Variants in TESC observed in about 807,000 individuals in gnomAD.
TESC encodes calcineurin B homologous protein 3.
Under a neutral mutation model 31.0 loss-of-function variants are expected in TESC, and 19 were observed. The ratio of observed to expected loss-of-function variants is 0.61; its 90% confidence interval spans 0.43 to 0.90. The LOEUF (loss-of-function observed/expected upper bound fraction) is 0.90, where lower values mean the gene tolerates loss of function less well. Among genes scored for constraint, TESC ranks in the 40% least tolerant of loss-of-function variants. The probability of loss-of-function intolerance (pLI) is 0.00; values close to 1 mark genes in which losing one functional copy is unlikely to be tolerated. For missense variants in TESC, 248 were observed against 303.8 expected, an observed-to-expected ratio of 0.82 and a Z score of 1.36; for synonymous variants, 109 against 114.8, an observed-to-expected ratio of 0.95 and a Z score of 0.32.
chr12:117,041,073 A>G (rs1954477059), intron 7 of TESC, among the ~76,000 whole-genome samples: 1 of 152,138 alleles, frequency 6.6e-6, no homozygotes, highest in African/African-American at 2.4e-5. Context: ...TCCCTGCCAC[A>G]GGGCATCTGA....
intron 1 of TESC, 34 bp from the exon 2 acceptor site, chr12:117,075,374 A>AG: frequency 3.1e-6 from 5 of 1,599,608 alleles, no homozygotes; most frequent in Non-Finnish European, 4.2e-6. Context: ...AAAACAAGAC[A>AG]GAAAAAAAAA....
intron 3 of TESC, among the ~76,000 whole-genome samples, chr12:117,051,702 A>AC (rs1442096873): frequency 6.6e-6 from 1 of 151,846 alleles, no homozygotes; most frequent in Admixed American, 6.6e-5. Context: ...AATGTGATAG[A>AC]CCCCTGGGGA....
chr12:117,088,789 C>T (rs1458151924), intron 1 of TESC, among the ~76,000 whole-genome samples: 1 of 152,042 alleles, frequency 6.6e-6, no homozygotes, highest in Non-Finnish European at 1.5e-5. Flanking sequence ...ATTACAAACA[C>T]TGGATAAAAC....
At chr12:117,057,747 G>T (rs1954745374) in intron 2 of TESC, among the ~76,000 whole-genome samples, 2 of 152,136 alleles carry the variant, frequency 1.3e-5, no homozygotes, top group East Asian at 3.9e-4. Context: ...ATAAAATGTG[G>T]CCCATGCAAT....
At chr12:117,081,291 T>C (rs1166864041) in intron 1 of TESC, among the ~76,000 whole-genome samples, 2 of 152,208 alleles carry the variant, frequency 1.3e-5, no homozygotes, top group Non-Finnish European at 2.9e-5. Context: ...CTTTTGATAT[T>C]GATCATATGG....
chr12:117,085,681 A>G (rs576795131), intron 1 of TESC, among the ~76,000 whole-genome samples: 1 of 152,238 alleles, frequency 6.6e-6, no homozygotes, highest in Admixed American at 6.5e-5. Context: ...GAAATCCCGG[A>G]ATACAGAGGT....
At chr12:117,046,909 C>A in intron 4 of TESC, 71 bp from the exon 5 acceptor site, 1 of 1,480,388 alleles carries the variant, frequency 6.8e-7, no homozygotes, top group Non-Finnish European at 9.1e-7. Context: ...GAAATGTACA[C>A]TAAACTAAGC....
chr12:117,055,838 C>T (rs1211715328), intron 3 of TESC, among the ~76,000 whole-genome samples: 1 of 152,036 alleles, frequency 6.6e-6, no homozygotes, highest in East Asian at 1.9e-4. Flanking sequence ...AGACCCCCAG[C>T]TAATTTGCAC....
In TESC at chr12:117,054,525, T is replaced by A. The variant is rs1340739774; in HGVS notation, c.209+2281A>T. On this transcript the variant is annotated intron_variant, in intron 3 of 7. Transcript: ENST00000335209. The stretch of plus-strand genomic sequence containing the variant: ...ACACAGTTCCCATCGCCTGGAACCT[T>A]CTCTCCCTGCTTTTCTGGTTTAACT... Among the ~76,000 whole-genome samples the A allele has an allele frequency of 3.9e-5, 6 of 152,026 alleles. 1 individual carries two copies. Among genetic ancestry groups the A allele is most frequent in the Admixed American group, 1.3e-4 (2 of 15,258 alleles).
chr12:117,060,300 G>A (rs774043628), intron 2 of TESC, among the ~76,000 whole-genome samples: 1 of 152,210 alleles, frequency 6.6e-6, no homozygotes, highest in Non-Finnish European at 1.5e-5. Flanking sequence ...CCGCCCCAGA[G>A]TTGGGGGTGA....
intron 1 of TESC, among the ~76,000 whole-genome samples, chr12:117,075,887 A>ATATATATATATATATATATGTGTG: frequency 1.6e-5 from 1 of 62,426 alleles, no homozygotes; most frequent in South Asian, 4.5e-4. Flanking sequence ...ATATATATAT[A>ATATATATATATATATATATGTGTG]TATATATATA....
At chr12:117,049,806 C>A (rs61937037) in intron 3 of TESC, among the ~76,000 whole-genome samples, 1 of 148,086 alleles carries the variant, frequency 6.8e-6, no homozygotes, top group Non-Finnish European at 1.5e-5. Flanking sequence ...GAGGCTGAGG[C>A]GAGAGAATCG....
intron 2 of TESC, among the ~76,000 whole-genome samples, chr12:117,063,535 G>A (rs1183072991): frequency 6.6e-6 from 1 of 152,068 alleles, no homozygotes; most frequent in African/African-American, 2.4e-5. Context: ...TTCTCTCTAG[G>A]GGTACTGAGC....
intron 1 of TESC, among the ~76,000 whole-genome samples, chr12:117,094,224 A>C (rs12427193): frequency 0.12 from 19,007 of 152,150 alleles, 1,275 homozygotes; most frequent in African/African-American, 0.13. Flanking sequence ...GGTTTAAATC[A>C]ATCAATGAGA....
chr12:117,075,728 C>T (rs1320667582), intron 1 of TESC, among the ~76,000 whole-genome samples: 1 of 150,498 alleles, frequency 6.6e-6, no homozygotes, highest in Admixed American at 6.7e-5. Context: ...ACGACCTCGG[C>T]ATCTCAGCTC....
intron 3 of TESC, among the ~76,000 whole-genome samples, chr12:117,053,702 C>T (rs888897892): frequency 2.0e-5 from 3 of 152,142 alleles, no homozygotes; most frequent in Non-Finnish European, 2.9e-5. Context: ...CCTACACACA[C>T]CCCCTAAACG....
intron 7 of TESC, among the ~76,000 whole-genome samples, chr12:117,041,276 G>C (rs1026922833): frequency 6.6e-6 from 1 of 152,132 alleles, no homozygotes; most frequent in Non-Finnish European, 1.5e-5. Context: ...CTGAGCTTCC[G>C]AGAAACACTA....
chr12:117,083,706 G>T (rs1195313762), intron 1 of TESC, among the ~76,000 whole-genome samples: 1 of 152,222 alleles, frequency 6.6e-6, no homozygotes, highest in African/African-American at 2.4e-5. Flanking sequence ...AGTGAGAAAT[G>T]AAGTAGATTG....
intron 6 of TESC, among the ~76,000 whole-genome samples, chr12:117,043,572 G>C (rs1224950826): frequency 6.6e-6 from 1 of 152,132 alleles, no homozygotes; most frequent in African/African-American, 2.4e-5. Flanking sequence ...TGATTCTCTT[G>C]CCTCAGACTC....
Sources: gnomAD v4.1 joint callset for allele counts (sites outside exome capture counted in the v4.1 genomes callset) on GRCh38, gnomAD v4.1.1 for gene constraint, MANE v1.5 for transcripts, NCBI Gene and HGNC (gene_info 2026-07-23, HGNC 2026-07-21) for gene names.